The following BRIP1 variants were observed in gnomAD, a reference collection of about 807,000 sequenced individuals.
BRIP1 encodes BRCA1 interacting DNA helicase 1, also known as Fanconi anemia group J protein.
BRIP1 carries 88 observed loss-of-function variants against 119.7 expected under a neutral mutation model. That is an observed-to-expected ratio of 0.74 (90% CI 0.62 to 0.88). The LOEUF (loss-of-function observed/expected upper bound fraction) is 0.88. Among genes scored for constraint, BRIP1 ranks in the 40% least tolerant of loss-of-function variants. BRIP1 has a pLI of 0.00. For synonymous variants in BRIP1, 443 were observed against 496.5 expected (o/e 0.89, Z 1.43); for missense variants, 1,259 against 1,455.4 (o/e 0.87, Z 2.20).
rs2077165627 is a variant in BRIP1 at position 61,753,793 on chromosome 17, AC to A, written c.2098-9203del. Among the ~76,000 whole-genome samples the A allele has an allele frequency of 6.6e-6, 1 of 151,914 alleles. No individual in the cohort carries two copies. Among genetic ancestry groups the A allele is most frequent in the Admixed American group, 6.6e-5 (1 of 15,246 alleles). ...GAAAAGAACAACAACAACAACAACA[AC>A]AAAAAACCAGAGAGGGTCTTGCTGT... On this transcript the variant is annotated intron_variant, in intron 14 of 19. Transcript: ENST00000259008. This position sits in a 1 kb window ranked among gnomAD's most constrained non-coding sequence, Gnocchi z 4.6.
chr17:61,863,324 T>A lies in BRIP1; in HGVS notation c.-71A>T, dbSNP rs999335525. On this transcript the variant is annotated 5_prime_UTR_variant, in exon 1 of 20. Transcript: ENST00000259008. Reference sequence around the variant, plus strand: ...CCGAAGCAACGCTCTGAGCTCCGATTCACTGAAGAAAAGGAAAGGAAACCG... The same window carrying A: ...CCGAAGCAACGCTCTGAGCTCCGATACACTGAAGAAAAGGAAAGGAAACCG... 1 of 152,080 alleles carries A rather than the reference T, an allele frequency of 6.6e-6. No homozygotes were observed. Among genetic ancestry groups the A allele is most frequent in the Non-Finnish European group, 1.5e-5 (1 of 68,048 alleles). 9.4% of individuals were successfully genotyped at this position (152,080 alleles called of 1,614,324 possible).
At chr17:61,777,102 G>A (rs973732307) in intron 13 of BRIP1, among the ~76,000 whole-genome samples, 5 of 152,260 alleles carry the variant, frequency 3.3e-5, no homozygotes, top group Middle Eastern at 3.4e-3. Flanking sequence ...GAGGGAGAGA[G>A]ACGAAAATTT....
chr17:61,827,206 T>C lies in BRIP1; in HGVS notation c.628-18449A>G, dbSNP rs1567852626. ...AATACTGCATGTTCTCACTTATAAGTAGGAGCTAAATCATGAGAACATATG... is the reference window on the plus strand; with the variant it reads ...AATACTGCATGTTCTCACTTATAAGCAGGAGCTAAATCATGAGAACATATG... On this transcript the variant is annotated intron_variant, in intron 6 of 19. Transcript: ENST00000259008. The surrounding 1 kb of genome is among the most constrained non-coding windows in gnomAD (Gnocchi z 5.8). Among the ~76,000 whole-genome samples the C allele has an allele frequency of 6.6e-6, 1 of 151,988 alleles. No individual in the cohort carries two copies. The highest frequency in any genetic ancestry group is 6.6e-5 in the Admixed American group (1 of 15,252).
Position 61,729,490 on chromosome 17 carries a change from G to C in BRIP1, c.2380-13427C>G, listed in dbSNP as rs999218631. Among the ~76,000 whole-genome samples, 3 of 152,068 alleles carry C rather than the reference G, an allele frequency of 2.0e-5. No homozygotes were observed. The highest frequency in any genetic ancestry group is 3.2e-3 in the Middle Eastern group (1 of 316). On this transcript the variant is annotated intron_variant, in intron 16 of 19. Coordinates refer to ENST00000259008, the MANE Select transcript of BRIP1 (RefSeq NM_032043.3). This position sits in a 1 kb window ranked among gnomAD's most constrained non-coding sequence, Gnocchi z 5.6. ...CTCAAATAGGAATTTAATAGTTCAT[G>C]TCTAAAACTGATTAAATAAAGATAA...
rs1555590588 is a variant in BRIP1 at position 61,743,139 on chromosome 17, A to C, written c.2258-5T>G. On this transcript the variant is annotated splice_region_variant and splice_polypyrimidine_tract_variant and intron_variant, in intron 15 of 19. Transcript: ENST00000259008. This position sits in a 1 kb window ranked among gnomAD's most constrained non-coding sequence, Gnocchi z 4.3. ...CTGCTACCAGGAGAGCTCCATCTTAAACAACAGAAAAAAGCATATCCAAAA... is the reference window on the plus strand; with the variant it reads ...CTGCTACCAGGAGAGCTCCATCTTACACAACAGAAAAAAGCATATCCAAAA... 1.2e-6 allele frequency: 2 copies of C among 1,613,910 alleles called. No individual in the cohort carries two copies. Among genetic ancestry groups the C allele is most frequent in the Non-Finnish European group, 1.7e-6 (2 of 1,179,856 alleles).
chr17:61,713,583 G>A lies in BRIP1; in HGVS notation c.2492+2368C>T, dbSNP rs1428209835. On this transcript the variant is annotated intron_variant, in intron 17 of 19. Transcript: ENST00000259008. The surrounding 1 kb of genome is among the most constrained non-coding windows in gnomAD (Gnocchi z 4.9). The stretch of plus-strand genomic sequence containing the variant: ...GTCGCCCAGGCTGGAGTGCAGTGGG[G>A]TGATCTCGGCTCACTGCAGCCTCCA... 3.3e-5 allele frequency among the ~76,000 whole-genome samples: 5 copies of A among 151,602 alleles called. No individual in the cohort carries two copies. The highest frequency in any genetic ancestry group is 9.7e-5 in the African/African-American group (4 of 41,210).
intron 14 of BRIP1, among the ~76,000 whole-genome samples, chr17:61,772,792 T>C (rs1227507291): frequency 8.2e-6 from 1 of 121,722 alleles, no homozygotes; most frequent in African/African-American, 3.1e-5. Flanking sequence ...CACTCCAGAC[T>C]GGGCAACAAG....
rs1338474031 is a variant in BRIP1 at position 61,862,472 on chromosome 17, G to A, written c.-31+812C>T. The stretch of plus-strand genomic sequence containing the variant: ...CCAGGGCAGAATGTACCTAACCCAG[G>A]ATCTGATACAGATGAGGATCACTTT... On this transcript the variant is annotated intron_variant, in intron 1 of 19. Transcript: ENST00000259008. This position sits in a 1 kb window ranked among gnomAD's most constrained non-coding sequence, Gnocchi z 5.3. Among the ~76,000 whole-genome samples, 2 of 152,110 alleles carry A rather than the reference G, an allele frequency of 1.3e-5. No homozygotes were observed. The highest frequency in any genetic ancestry group is 2.9e-5 in the Non-Finnish European group (2 of 68,022).
rs1326515747 is a variant in BRIP1, at chr17:61,708,694, CACTT to C, written c.2492+7253_2492+7256del. On this transcript the variant is annotated intron_variant, in intron 17 of 19. Coordinates refer to ENST00000259008, the MANE Select transcript of BRIP1 (RefSeq NM_032043.3). The surrounding 1 kb of genome is among the most constrained non-coding windows in gnomAD (Gnocchi z 4.4). Reference sequence around the variant, plus strand: ...CTTTGACAATCTGGTGAAGACTCTGCACTTACTTAAGAGTAAGGCACTAAAACAC... The same window carrying C: ...CTTTGACAATCTGGTGAAGACTCTGCACTTAAGAGTAAGGCACTAAAACAC... 1.3e-5 allele frequency among the ~76,000 whole-genome samples: 2 copies of C among 152,142 alleles called. No individual in the cohort carries two copies. Among genetic ancestry groups the C allele is most frequent in the African/African-American group, 4.8e-5 (2 of 41,416 alleles).
chr17:61,800,308 T>C (rs1419479852), intron 8 of BRIP1, among the ~76,000 whole-genome samples: 3 of 152,016 alleles, frequency 2.0e-5, no homozygotes, highest in African/African-American at 7.2e-5. Flanking sequence ...AGCTGAAAAG[T>C]TGAGAAAAAA....
chr17:61,766,486 ATT>A (rs1359169585), intron 14 of BRIP1, among the ~76,000 whole-genome samples: 2 of 152,190 alleles, frequency 1.3e-5, no homozygotes, highest in Non-Finnish European at 2.9e-5. Context: ...ATCTATAGAA[ATT>A]TCAGCCTTCT....
At position 61,784,347 on chromosome 17, in the gene BRIP1, A is replaced by T. The variant is rs1409702116; in HGVS notation, c.1551T>A (p.Pro517=). The T allele has an allele frequency of 6.2e-7, 1 of 1,612,952 alleles. No individual in the cohort carries two copies. Among genetic ancestry groups the T allele is most frequent in the Non-Finnish European group, 8.5e-7 (1 of 1,179,126 alleles). The stretch of plus-strand genomic sequence containing the variant: ...TTATTTGAGTTGATGCACTAATAAC[A>T]GGTACTTCTCTTGCCTCCTCTTTAC... ...IYGKEEAREV[P]VISASTQIML... The change falls in exon 11 of 20, where the codon CCT becomes CCA. Residue 517 remains proline, a synonymous_variant. Coordinates refer to ENST00000259008, the MANE Select transcript of BRIP1 (RefSeq NM_032043.3).
rs1482607248 is a variant in BRIP1, at chr17:61,815,087, C to G, written c.628-6330G>C. Among the ~76,000 whole-genome samples, 2 of 145,322 alleles carry G rather than the reference C, an allele frequency of 1.4e-5. No homozygotes were observed. Among genetic ancestry groups the G allele is most frequent in the Admixed American group, 6.9e-5 (1 of 14,522 alleles). On this transcript the variant is annotated intron_variant, in intron 6 of 19. Coordinates refer to ENST00000259008, the MANE Select transcript of BRIP1 (RefSeq NM_032043.3). The surrounding 1 kb of genome is among the most constrained non-coding windows in gnomAD (Gnocchi z 4.1). ...AAAAGCTAACAATTGTCATGAAAAA[C>G]ATACCTGAAAAATGCTAGAAGTGCT...
At chr17:61,697,864 G>C (rs1354190996) in intron 17 of BRIP1, among the ~76,000 whole-genome samples, 1 of 151,812 alleles carries the variant, frequency 6.6e-6, no homozygotes, top group Non-Finnish European at 1.5e-5. Flanking sequence ...GGAGTGCAGT[G>C]GCATGATCTC....
intron 14 of BRIP1, among the ~76,000 whole-genome samples, chr17:61,749,179 A>G (rs1011031631): frequency 6.6e-6 from 1 of 152,106 alleles, no homozygotes; most frequent in South Asian, 2.1e-4. Context: ...AGAAAAAAAC[A>G]CAGGAGAAAA....
Position 61,693,778 on chromosome 17 carries a change from C to T in BRIP1, c.2493-266G>A, listed in dbSNP as rs2061484386. ...TCAAGAAAATTATAGAAAATATATT[C>T]TAAGATCTTTCTTAGCCACATAGAC... On this transcript the variant is annotated intron_variant, in intron 17 of 19. Transcript: ENST00000259008. The surrounding 1 kb of genome is among the most constrained non-coding windows in gnomAD (Gnocchi z 4.2). 6.6e-6 allele frequency among the ~76,000 whole-genome samples: 1 copy of T among 152,006 alleles called. No homozygotes were observed. Among genetic ancestry groups the T allele is most frequent in the African/African-American group, 2.4e-5 (1 of 41,394 alleles).
chr17:61,797,115 G>C (rs1000016878), intron 9 of BRIP1, among the ~76,000 whole-genome samples: 11 of 151,906 alleles, frequency 7.2e-5, no homozygotes, highest in African/African-American at 2.7e-4. Context: ...TGGCATTCTA[G>C]GGAGAGGCTG....
In BRIP1 at chr17:61,729,358, G is replaced by T. The variant is rs552045036; in HGVS notation, c.2380-13295C>A. Among the ~76,000 whole-genome samples, 1 of 152,206 alleles carries T rather than the reference G, an allele frequency of 6.6e-6. No homozygotes were observed. Among genetic ancestry groups the T allele is most frequent in the South Asian group, 2.1e-4 (1 of 4,816 alleles). On this transcript the variant is annotated intron_variant, in intron 16 of 19. Transcript: ENST00000259008. The surrounding 1 kb of genome is among the most constrained non-coding windows in gnomAD (Gnocchi z 5.6). ...GATTACAGTGAACAGTATTTTCATA[G>T]TCATGATAATGTACATAATAACTAT...
chr17:61,701,455 C>G lies in BRIP1; in HGVS notation c.2493-7943G>C, dbSNP rs1211381330. ...ATGTCTCCCATTCTTTGCCAAGAGTCTCTGCATATATTGGGGCATAATTTC... is the reference window on the plus strand; with the variant it reads ...ATGTCTCCCATTCTTTGCCAAGAGTGTCTGCATATATTGGGGCATAATTTC... On this transcript the variant is annotated intron_variant, in intron 17 of 19. Transcript: ENST00000259008. This position sits in a 1 kb window ranked among gnomAD's most constrained non-coding sequence, Gnocchi z 5.1. Among the ~76,000 whole-genome samples, 1 of 152,188 alleles carries G rather than the reference C, an allele frequency of 6.6e-6. No individual in the cohort carries two copies. The highest frequency in any genetic ancestry group is 1.5e-5 in the Non-Finnish European group (1 of 68,032).
Sources: allele counts gnomAD v4.1 joint callset (sites outside exome capture counted in the v4.1 genomes callset), GRCh38; gene constraint gnomAD v4.1.1; non-coding constraint Gnocchi (gnomAD v3.1); transcripts MANE v1.5; gene names NCBI Gene and HGNC (gene_info 2026-07-23, HGNC 2026-07-21).